Variants in EFHC1 observed in about 807,000 individuals in gnomAD.
EFHC1 encodes the protein EF-hand domain-containing protein 1.
Under a neutral mutation model 69.9 loss-of-function variants are expected in EFHC1, and 53 were observed. The ratio of observed to expected loss-of-function variants is 0.76; its 90% CI spans 0.61 to 0.95. EFHC1 has a LOEUF of 0.95. Among genes scored for constraint, EFHC1 ranks in the 40% least tolerant of loss-of-function variants. The pLI is 0.00. For missense variants in EFHC1, 739 were observed against 798.7 expected (o/e 0.93, Z 0.90); for synonymous variants, 256 against 278.4 (o/e 0.92, Z 0.80).
chr6:52,448,373 G>T (rs4407718), intron 3 of EFHC1, among the ~76,000 whole-genome samples: 19,935 of 152,276 alleles, frequency 0.13, 1,377 homozygotes, highest in Middle Eastern at 0.25. Flanking sequence ...CTCTGAGCCA[G>T]GTGCGGGATA....
At chr6:52,438,049 T>A (rs1043209080) in intron 2 of EFHC1, among the ~76,000 whole-genome samples, 18 of 152,220 alleles carry the variant, frequency 1.2e-4, no homozygotes, top group Admixed American at 2.6e-4. Context: ...TTTTTTAAAA[T>A]TTTTTAAACC....
intron 6 of EFHC1, among the ~76,000 whole-genome samples, chr6:52,465,664 G>A (rs1187215914): frequency 2.6e-5 from 4 of 151,462 alleles, no homozygotes; most frequent in Admixed American, 1.3e-4. Context: ...AAAATTAGCC[G>A]AGTGTAGTGG....
chr6:52,459,107 C>T (rs1012273693), intron 5 of EFHC1, among the ~76,000 whole-genome samples: 4 of 152,158 alleles, frequency 2.6e-5, no homozygotes, highest in Admixed American at 1.3e-4. Context: ...TGAAGAACTA[C>T]CTATCAGGTA....
rs779760887 is a variant in EFHC1, at chr6:52,423,999, T to A, written c.117T>A (p.Ile39=). ...TGAGCTACAGGAACGGCTATGCAAT[T>A]GTTCGACGTCCAACAGTTGGGATAG... is the stretch of plus-strand genomic sequence containing the variant. ...QTLSYRNGYA[I]VRRPTVGIGG... Residue 39 remains isoleucine, a synonymous_variant, in exon 2 of 11, where the codon ATT becomes ATA. Transcript: ENST00000371068. The A allele has an allele frequency of 1.9e-6, 3 of 1,614,048 alleles. No homozygotes were observed. The highest frequency in any genetic ancestry group is 2.5e-6 in the Non-Finnish European group (3 of 1,180,044).
intron 4 of EFHC1, chr6:52,453,484 AT>A (rs1562452770): frequency 1.6e-6 from 2 of 1,287,168 alleles, no homozygotes; most frequent in Admixed American, 4.6e-5. Context: ...TTCTTTAGAC[AT>A]TTAACCCCTT....
chr6:52,492,582 AG>A lies in EFHC1; in HGVS notation c.*246del. ...TTGTGTGTCAAATTGACTTGGCCAC[AG>A]GGGGCCCAAATATTTCCTTTCTTTC... On this transcript the variant is annotated 3_prime_UTR_variant, in exon 11 of 11. Coordinates refer to ENST00000371068, the MANE Select transcript of EFHC1 (RefSeq NM_018100.4). 1 of 647,754 alleles carries A rather than the reference AG, an allele frequency of 1.5e-6. No homozygotes were observed. Among genetic ancestry groups the A allele is most frequent in the South Asian group, 1.5e-5 (1 of 65,920 alleles). The allele number at this position is 647,754 out of a possible 1,614,324, so 40.1% of individuals were successfully genotyped here. A position where few individuals can be genotyped will look rare whatever the true frequency, so the allele number is the denominator to read the frequency against.
At chr6:52,474,954 A>C (rs1262622398) in intron 7 of EFHC1, among the ~76,000 whole-genome samples, 1 of 150,690 alleles carries the variant, frequency 6.6e-6, no homozygotes, top group African/African-American at 2.4e-5. Context: ...ATGGGTGTTT[A>C]CTTTATTAAA....
At chr6:52,447,496 C>T (rs748115579) in intron 3 of EFHC1, among the ~76,000 whole-genome samples, 41 of 152,060 alleles carry the variant, frequency 2.7e-4, no homozygotes, top group Non-Finnish European at 2.6e-4. Context: ...AGCTTCTTTG[C>T]GATGGGTTCG....
At chr6:52,461,956 G>A (rs1258997808) in intron 5 of EFHC1, among the ~76,000 whole-genome samples, 1 of 152,044 alleles carries the variant, frequency 6.6e-6, no homozygotes, top group Non-Finnish European at 1.5e-5. Context: ...AAAATCTGTA[G>A]CACCATTATT....
At chr6:52,467,579 A>G (rs975820944) in intron 6 of EFHC1, among the ~76,000 whole-genome samples, 9 of 152,190 alleles carry the variant, frequency 5.9e-5, no homozygotes, top group African/African-American at 2.2e-4. Context: ...CCTATCTTGA[A>G]GTAAAGAAAA....
chr6:52,421,934 G>A (rs937587364), intron 1 of EFHC1, among the ~76,000 whole-genome samples: 1 of 152,192 alleles, frequency 6.6e-6, no homozygotes, highest in African/African-American at 2.4e-5. Context: ...ACATATTGCT[G>A]TATTACAAGT....
At chr6:52,490,471 TCTA>T (rs1166476770) in intron 10 of EFHC1, 121 bp downstream of exon 10, 12 of 822,570 alleles carry the variant, frequency 1.5e-5, no homozygotes, top group Non-Finnish European at 2.4e-5. Flanking sequence ...TCAGATCAGA[TCTA>T]CTATTCTGTC....
intron 6 of EFHC1, among the ~76,000 whole-genome samples, chr6:52,466,659 T>C (rs995963357): frequency 6.6e-6 from 1 of 152,204 alleles, no homozygotes; most frequent in African/African-American, 2.4e-5. Context: ...CAGTGCCTAA[T>C]AAATAGGAGG....
intron 2 of EFHC1, among the ~76,000 whole-genome samples, chr6:52,425,978 A>G (rs1764292408): frequency 6.6e-6 from 1 of 152,062 alleles, no homozygotes; most frequent in South Asian, 2.1e-4. Context: ...TTCCAGCATC[A>G]CCTACTATAT....
intron 5 of EFHC1, among the ~76,000 whole-genome samples, chr6:52,455,695 G>T (rs1765030282): frequency 6.6e-6 from 1 of 151,962 alleles, no homozygotes; most frequent in Non-Finnish European, 1.5e-5. Context: ...TGAGCAAGAA[G>T]TTTGTCTACA....
In EFHC1 at chr6:52,494,441, C is replaced by T. The variant is rs1287366363; in HGVS notation, c.*2100C>T. ...TTCAGCCATGCTGCTGTTTCTAGCC[C>T]ATGTAGGCTCTGGGAAAGGTTAAGC... On this transcript the variant is annotated 3_prime_UTR_variant, in exon 11 of 11. Coordinates refer to ENST00000371068, the MANE Select transcript of EFHC1 (RefSeq NM_018100.4). 1 of 453,966 alleles carries T rather than the reference C, an allele frequency of 2.2e-6. No individual in the cohort carries two copies. Among genetic ancestry groups the T allele is most frequent in the Non-Finnish European group, 4.4e-6 (1 of 226,800 alleles). 28.1% of individuals were successfully genotyped at this position (453,966 alleles called of 1,614,324 possible). A position where few individuals can be genotyped will look rare whatever the true frequency, so the allele number is the denominator to read the frequency against.
intron 9 of EFHC1, 119 bp downstream of exon 9, chr6:52,479,906 T>G (rs1765638222): frequency 2.0e-5 from 29 of 1,482,722 alleles, no homozygotes; most frequent in Non-Finnish European, 2.6e-5. Flanking sequence ...TGGGAATTAT[T>G]AGATATAAAC....
chr6:52,443,146 C>A (rs1764703105), intron 3 of EFHC1, among the ~76,000 whole-genome samples: 1 of 152,076 alleles, frequency 6.6e-6, no homozygotes, highest in Non-Finnish European at 1.5e-5. Context: ...TTTATTTTTT[C>A]TTGTAAATTT....
intron 5 of EFHC1, among the ~76,000 whole-genome samples, chr6:52,459,151 C>G (rs1486129612): frequency 6.6e-6 from 1 of 152,140 alleles, no homozygotes; most frequent in Non-Finnish European, 1.5e-5. Flanking sequence ...GGATCAATAG[C>G]TCAAACTTCA....
Sources: allele counts gnomAD v4.1 joint callset (sites outside exome capture counted in the v4.1 genomes callset), GRCh38; gene constraint gnomAD v4.1.1; transcripts MANE v1.5; gene names NCBI Gene and HGNC (gene_info 2026-07-23, HGNC 2026-07-21).